The following ANKH variants were observed in gnomAD, a reference collection of about 807,000 sequenced individuals.
The protein encoded by ANKH is mineralization regulator ANKH.
A neutral mutation model predicts 49.0 loss-of-function variants in ANKH; 15 were observed. The observed-to-expected ratio is 0.31, with a 90% CI of 0.20 to 0.47. The LOEUF is 0.47. ANKH is among the 20% of genes least tolerant of loss of function. The pLI, the probability that ANKH is intolerant of heterozygous loss-of-function variation, is 1.00. For missense variants in ANKH, 429 were observed against 652.0 expected (o/e 0.66, Z 3.72); for synonymous variants, 273 against 260.0 (o/e 1.05, Z -0.48).
intron 1 of ANKH, among the ~76,000 whole-genome samples, chr5:14,812,226 A>G (rs1163753887): frequency 6.6e-6 from 1 of 151,974 alleles, no homozygotes. Flanking sequence ...AATTAAAACC[A>G]AAACCCCAAA....
intron 8 of ANKH, among the ~76,000 whole-genome samples, chr5:14,719,854 C>T (rs1192814658): frequency 6.6e-6 from 1 of 152,104 alleles, no homozygotes. Flanking sequence ...TTGGTGCTAA[C>T]TTTAAAAACC....
At chr5:14,776,114 C>T (rs768221943) in intron 1 of ANKH, among the ~76,000 whole-genome samples, 19 of 152,172 alleles carry the variant, frequency 1.2e-4, no homozygotes, top group South Asian at 8.3e-4. Context: ...GGCAGGGGGC[C>T]GCCCCCCGCA....
chr5:14,733,079 C>A (rs1042613783), intron 8 of ANKH, among the ~76,000 whole-genome samples: 2 of 152,164 alleles, frequency 1.3e-5, no homozygotes, highest in African/African-American at 4.8e-5. Flanking sequence ...TTTTTGGTAA[C>A]AATCAGTTCA....
At chr5:14,809,846 C>T (rs570027097) in intron 1 of ANKH, among the ~76,000 whole-genome samples, 2 of 151,966 alleles carry the variant, frequency 1.3e-5, no homozygotes, top group South Asian at 2.1e-4. Flanking sequence ...GAGTCAGCCC[C>T]GTCTCGGTGT....
chr5:14,786,335 T>A (rs993382081), intron 1 of ANKH, among the ~76,000 whole-genome samples: 4 of 152,228 alleles, frequency 2.6e-5, no homozygotes, highest in African/African-American at 9.6e-5. Flanking sequence ...AGACATAATG[T>A]CATAAATATG....
rs1429590294 is a variant in ANKH, at chr5:14,770,943, A to C, written c.97-1752T>G. On this transcript the variant is annotated intron_variant, in intron 1 of 11. Transcript: ENST00000284268. This position sits in a 1 kb window ranked among gnomAD's most constrained non-coding sequence, Gnocchi z 4.1. ...ATAGAGACACAATCACATTCATAGA[A>C]TTCATATTCAGTCTCTGCTATGTAA... 6.6e-6 allele frequency among the ~76,000 whole-genome samples: 1 copy of C among 152,250 alleles called. No homozygotes were observed. Among genetic ancestry groups the C allele is most frequent in the Non-Finnish European group, 1.5e-5 (1 of 68,044 alleles).
rs1052733180 is a variant in ANKH at position 14,861,788 on chromosome 5, G to C, written c.96+9564C>G. 1.7e-4 allele frequency among the ~76,000 whole-genome samples: 26 copies of C among 152,138 alleles called. 1 individual carries two copies. The highest frequency in any genetic ancestry group is 6.3e-4 in the African/African-American group (26 of 41,418). The stretch of plus-strand genomic sequence containing the variant: ...AACTTAAACCAAAACATCCTCCCCC[G>C]AACTAGGGACAAAGCTGGTCAGTCT... On this transcript the variant is annotated intron_variant, in intron 1 of 11. Coordinates refer to ENST00000284268, the MANE Select transcript of ANKH (RefSeq NM_054027.6).
rs1423475224 is a variant in ANKH at position 14,725,803 on chromosome 5, T to A, written c.1012-8968A>T. On this transcript the variant is annotated intron_variant, in intron 8 of 11. Coordinates refer to ENST00000284268, the MANE Select transcript of ANKH (RefSeq NM_054027.6). The surrounding 1 kb of genome is among the most constrained non-coding windows in gnomAD (Gnocchi z 4.0). ...GCTCTGTTGCCAGGCTGGAGTGCAG[T>A]GGCACGATCTTGGCTCACTGCAATC... Among the ~76,000 whole-genome samples the A allele has an allele frequency of 1.3e-5, 2 of 152,230 alleles. No individual in the cohort carries two copies. The highest frequency in any genetic ancestry group is 2.9e-5 in the Non-Finnish European group (2 of 68,050).
intron 8 of ANKH, among the ~76,000 whole-genome samples, chr5:14,733,685 G>C (rs546446806): frequency 5.3e-5 from 8 of 152,258 alleles, no homozygotes; most frequent in African/African-American, 1.9e-4. Flanking sequence ...CATTTACATG[G>C]GCTTTGCTGG....
chr5:14,712,753 C>T, intron 11 of ANKH, 121 bp downstream of exon 11: 2 of 968,356 alleles, frequency 2.1e-6, no homozygotes, highest in Non-Finnish European at 3.2e-6. Context: ...CGAGACTGGG[C>T]AGTGTCACCA....
chr5:14,777,606 T>A (rs759745546), intron 1 of ANKH, among the ~76,000 whole-genome samples: 61 of 152,192 alleles, frequency 4.0e-4, no homozygotes, highest in Non-Finnish European at 7.6e-4. Context: ...TACTGTAGTC[T>A]GAGATTCCTC....
At position 14,739,274 on chromosome 5, in the gene ANKH, G is replaced by A. The variant is rs557708265; in HGVS notation, c.1011+2553C>T. 1.2e-4 allele frequency among the ~76,000 whole-genome samples: 18 copies of A among 151,672 alleles called. No homozygotes were observed. The East Asian group carries it at 3.1e-3, about 26-fold the overall frequency. On this transcript the variant is annotated intron_variant, in intron 8 of 11. Transcript: ENST00000284268. ...TCTACTAAAAACACAAAAATCAGCC[G>A]GGTGTGGTGGCGGGTGCTTGTAATC...
At chr5:14,795,719 G>A (rs1740352749) in intron 1 of ANKH, among the ~76,000 whole-genome samples, 2 of 152,102 alleles carry the variant, frequency 1.3e-5, no homozygotes, top group Admixed American at 6.5e-5. Flanking sequence ...ATTAGTCGGC[G>A]TGGTGGCACA....
Position 14,768,959 on chromosome 5 carries a change from C to T in ANKH, c.313+16G>A, listed in dbSNP as rs373422038. ...TTGCCAAAGCTAGATTCGTCAGTGG[C>T]GGTCGGCGGCCTCACCTATCAGTGT... On this transcript the variant is annotated intron_variant, in intron 2 of 11. Coordinates refer to ENST00000284268, the MANE Select transcript of ANKH (RefSeq NM_054027.6). 5.3e-5 allele frequency: 86 copies of T among 1,612,656 alleles called. No individual in the cohort carries two copies. The highest frequency in any genetic ancestry group is 4.4e-4 in the African/African-American group (33 of 75,040).
At chr5:14,723,356 T>TTTA (rs1554000647) in intron 8 of ANKH, among the ~76,000 whole-genome samples, 21 of 148,764 alleles carry the variant, frequency 1.4e-4, no homozygotes, top group African/African-American at 4.7e-4. Context: ...ATTCTTTTTT[T>TTTA]AAAAAAAAAA....
intron 1 of ANKH, among the ~76,000 whole-genome samples, chr5:14,777,692 G>A (rs868207844): frequency 1.3e-4 from 20 of 152,204 alleles, no homozygotes; most frequent in Middle Eastern, 3.2e-3. Flanking sequence ...TTCCTTGCAA[G>A]TGGGAAGGAG....
At chr5:14,864,978 C>T (rs778720543) in intron 1 of ANKH, among the ~76,000 whole-genome samples, 22 of 151,874 alleles carry the variant, frequency 1.4e-4, no homozygotes, top group Admixed American at 6.6e-5. Flanking sequence ...AATAAATCGG[C>T]GGCCAGGCGT....
chr5:14,862,344 G>A (rs1378011449), intron 1 of ANKH, among the ~76,000 whole-genome samples: 2 of 152,148 alleles, frequency 1.3e-5, no homozygotes, highest in Non-Finnish European at 2.9e-5. Context: ...CCTCCTAAAT[G>A]TTTTCATTGT....
intron 1 of ANKH, among the ~76,000 whole-genome samples, chr5:14,822,718 T>C (rs574535718): frequency 6.6e-6 from 1 of 152,352 alleles, no homozygotes; most frequent in Admixed American, 6.5e-5. Context: ...TTTGTCCTTT[T>C]CTTATGCTCT....
Sources: allele counts gnomAD v4.1 joint callset (sites outside exome capture counted in the v4.1 genomes callset), GRCh38; gene constraint gnomAD v4.1.1; non-coding constraint Gnocchi (gnomAD v3.1); transcripts MANE v1.5; gene names NCBI Gene and HGNC (gene_info 2026-07-23, HGNC 2026-07-21).